The following MACROD2 variants were observed in gnomAD, a reference collection of about 807,000 sequenced individuals.
The protein encoded by MACROD2 is ADP-ribose glycohydrolase MACROD2.
A neutral mutation model predicts 70.4 loss-of-function variants in MACROD2; 36 were observed. The ratio of observed to expected loss-of-function variants is 0.51; its 90% CI spans 0.39 to 0.68. MACROD2 has a LOEUF of 0.68. Ranked by LOEUF, MACROD2 falls within the 30% of genes least tolerant of loss-of-function variation. MACROD2 has a pLI of 0.00. For missense variants in MACROD2, 496 were observed against 538.4 expected (o/e 0.92, Z 0.78); for synonymous variants, 172 against 178.8 (o/e 0.96, Z 0.30).
At chr20:15,756,089 C>A (rs991852624) in intron 8 of MACROD2, among the ~76,000 whole-genome samples, 1 of 152,188 alleles carries the variant, frequency 6.6e-6, no homozygotes, top group Non-Finnish European at 1.5e-5. Flanking sequence ...CACACACCAT[C>A]CCTGCTCTTG....
At chr20:15,677,296 G>T (rs908659487) in intron 8 of MACROD2, among the ~76,000 whole-genome samples, 3 of 151,992 alleles carry the variant, frequency 2.0e-5, no homozygotes, top group African/African-American at 7.3e-5. Context: ...AAGCATCTAG[G>T]AAATTTAGAG....
chr20:14,003,783 A>T, intron 2 of MACROD2: 1 of 381,672 alleles, frequency 2.6e-6, no homozygotes, highest in Non-Finnish European at 5.1e-6. Flanking sequence ...CAAAGGTTAA[A>T]AAAAAAAAAG....
intron 8 of MACROD2, among the ~76,000 whole-genome samples, chr20:15,750,571 AT>A (rs941115280): frequency 2.6e-5 from 4 of 150,952 alleles, no homozygotes; most frequent in Non-Finnish European, 4.4e-5. Flanking sequence ...AAAAAAAAAA[AT>A]ATAGAAATAC....
chr20:14,661,872 A>G (rs1434988101), intron 4 of MACROD2, among the ~76,000 whole-genome samples: 1 of 152,070 alleles, frequency 6.6e-6, no homozygotes, highest in East Asian at 1.9e-4. Flanking sequence ...GGAAGTGACT[A>G]CTTCTACTGG....
chr20:14,195,836 A>G lies in MACROD2; in HGVS notation c.271+110108A>G, dbSNP rs757199188. ...ATCTGCTGAGAGCTACTTCCACTCA[A>G]TAAAACCTTGCACTCATTCTTCAAG... On this transcript the variant is annotated intron_variant, in intron 3 of 17. Coordinates refer to ENST00000684519, the MANE Select transcript of MACROD2 (RefSeq NM_001351661.2). 3.1e-4 allele frequency among the ~76,000 whole-genome samples: 47 copies of G among 152,168 alleles called. 1 individual carries two copies. The highest frequency in any genetic ancestry group is 5.7e-4 in the Non-Finnish European group (39 of 68,028).
At chr20:15,100,195 C>T (rs547694651) in intron 5 of MACROD2, among the ~76,000 whole-genome samples, 10 of 152,042 alleles carry the variant, frequency 6.6e-5, no homozygotes, top group Non-Finnish European at 1.0e-4. Context: ...CCTTGGCCTC[C>T]CAAAATGCTG....
At chr20:14,604,064 A>T (rs1982652510) in intron 4 of MACROD2, among the ~76,000 whole-genome samples, 1 of 152,140 alleles carries the variant, frequency 6.6e-6, no homozygotes, top group Non-Finnish European at 1.5e-5. Context: ...CTTGGGTGTT[A>T]CATGTGGTCT....
At chr20:14,976,098 G>C (rs894728679) in intron 5 of MACROD2, among the ~76,000 whole-genome samples, 8 of 152,124 alleles carry the variant, frequency 5.3e-5, no homozygotes, top group African/African-American at 1.9e-4. Context: ...GTGCCCCAGT[G>C]CTTCTCTGAT....
intron 3 of MACROD2, among the ~76,000 whole-genome samples, chr20:14,120,846 G>A (rs1382263742): frequency 6.6e-6 from 1 of 150,992 alleles, no homozygotes; most frequent in Non-Finnish European, 1.5e-5. Flanking sequence ...CACTCATAAT[G>A]AGTTGAACAA....
rs534999428 is a variant in MACROD2, at chr20:14,204,085, A to T, written c.271+118357A>T. ...GTCCTAAGGCCCAGGGATGGTGTAC[A>T]GTTGGACTAGTCCCCAGGCTTCCTG... On this transcript the variant is annotated intron_variant, in intron 3 of 17. Transcript: ENST00000684519. Among the ~76,000 whole-genome samples the T allele has an allele frequency of 2.0e-5, 3 of 152,252 alleles. No individual in the cohort carries two copies. In the East Asian group the frequency reaches 5.8e-4, roughly 29 times the overall value.
At chr20:14,751,441 A>G (rs911117737) in intron 5 of MACROD2, among the ~76,000 whole-genome samples, 2 of 152,062 alleles carry the variant, frequency 1.3e-5, no homozygotes, top group Non-Finnish European at 2.9e-5. Context: ...TTCTTTGCAT[A>G]GCAAAACTGA....
At chr20:14,104,364 A>T (rs2054340997) in intron 3 of MACROD2, among the ~76,000 whole-genome samples, 2 of 152,204 alleles carry the variant, frequency 1.3e-5, no homozygotes. Context: ...GAGGAGCAAC[A>T]CACGCTGAAT....
intron 2 of MACROD2, among the ~76,000 whole-genome samples, chr20:14,083,731 C>T (rs1323638781): frequency 2.0e-5 from 3 of 151,954 alleles, no homozygotes; most frequent in African/African-American, 7.3e-5. Context: ...ATACAAGTTG[C>T]CCACATTATT....
At chr20:14,985,329 C>T (rs1350058325) in intron 5 of MACROD2, among the ~76,000 whole-genome samples, 2 of 152,170 alleles carry the variant, frequency 1.3e-5, no homozygotes, top group Non-Finnish European at 2.9e-5. Context: ...TGATGCCCTT[C>T]CAAATTCCCT....
At chr20:15,707,819 T>TAA (rs556668823) in intron 8 of MACROD2, among the ~76,000 whole-genome samples, 4 of 144,272 alleles carry the variant, frequency 2.8e-5, no homozygotes, top group African/African-American at 1.0e-4. Flanking sequence ...TTACAAAACG[T>TAA]AAAAAAAAAA....
intron 4 of MACROD2, 47 bp downstream of exon 4, chr20:14,493,555 A>G (rs957161498): frequency 5.4e-6 from 8 of 1,469,464 alleles, no homozygotes; most frequent in Non-Finnish European, 6.7e-6. Flanking sequence ...TAATTGTTAT[A>G]CCAACTACAA....
chr20:15,988,782 CCA>C (rs1193388482), intron 15 of MACROD2, among the ~76,000 whole-genome samples: 1 of 152,164 alleles, frequency 6.6e-6, no homozygotes, highest in African/African-American at 2.4e-5. Flanking sequence ...CTTGAATTAA[CCA>C]CATTTTCTCT....
chr20:14,305,227 T>G (rs574031207), intron 3 of MACROD2, among the ~76,000 whole-genome samples: 71 of 152,300 alleles, frequency 4.7e-4, no homozygotes, highest in African/African-American at 1.6e-3. Context: ...ATCTAAAATA[T>G]AGACCTCTTT....
At chr20:16,042,426 G>A (rs933158970) in intron 16 of MACROD2, among the ~76,000 whole-genome samples, 2 of 152,010 alleles carry the variant, frequency 1.3e-5, no homozygotes, top group East Asian at 1.9e-4. Flanking sequence ...TAAAAGAGAA[G>A]TAAATGTGAA....
Sources: gnomAD v4.1 joint callset for allele counts (sites outside exome capture counted in the v4.1 genomes callset) on GRCh38, gnomAD v4.1.1 for gene constraint, MANE v1.5 for transcripts, NCBI Gene and HGNC (gene_info 2026-07-23, HGNC 2026-07-21) for gene names.